The following ARL6 variants were observed in gnomAD, a reference collection of about 807,000 sequenced individuals.
The protein encoded by ARL6 is ARF like GTPase 6, also known as ADP-ribosylation factor-like protein 6.
A neutral mutation model predicts 27.1 loss-of-function variants in ARL6; 18 were observed. The ratio of observed to expected loss-of-function variants is 0.66; its 90% CI spans 0.46 to 0.98. The LOEUF (loss-of-function observed/expected upper bound fraction) is 0.98, where lower values mean the gene tolerates loss of function less well. Among genes scored for constraint, ARL6 ranks in the 50% least tolerant of loss-of-function variants. The pLI is 0.00. For missense variants in ARL6, 187 were observed against 214.9 expected (o/e 0.87, Z 0.81); for synonymous variants, 65 against 72.3 (o/e 0.90, Z 0.51).
intron 7 of ARL6, among the ~76,000 whole-genome samples, chr3:97,796,693 T>A (rs1475163188): frequency 6.6e-6 from 1 of 151,994 alleles, no homozygotes; most frequent in Non-Finnish European, 1.5e-5. Context: ...AGTGGAAGAT[T>A]CTGCAAGCTT....
chr3:97,785,813 C>T (rs1254192645), intron 5 of ARL6, among the ~76,000 whole-genome samples: 2 of 152,110 alleles, frequency 1.3e-5, no homozygotes, highest in African/African-American at 2.4e-5. Context: ...CATTTCTAGC[C>T]TTCCTCATGC....
At chr3:97,795,416 C>G (rs1010716877) in intron 7 of ARL6, among the ~76,000 whole-genome samples, 2 of 152,108 alleles carry the variant, frequency 1.3e-5, no homozygotes, top group African/African-American at 2.4e-5. Flanking sequence ...ATTAGACTTA[C>G]AAACTATGCA....
At chr3:97,765,443 C>T (rs1022154846) in intron 1 of ARL6, among the ~76,000 whole-genome samples, 7 of 152,128 alleles carry the variant, frequency 4.6e-5, no homozygotes, top group Admixed American at 2.6e-4. Flanking sequence ...TGGATAACAT[C>T]CTAATTCTTC....
intron 7 of ARL6, among the ~76,000 whole-genome samples, chr3:97,797,182 T>C (rs2038043795): frequency 6.6e-6 from 1 of 152,108 alleles, no homozygotes; most frequent in Non-Finnish European, 1.5e-5. Flanking sequence ...TTCTAGAGTT[T>C]TTTATAAGAC....
At position 97,788,085 on chromosome 3, in the gene ARL6, T is replaced by G; in HGVS notation, c.445T>G (p.Leu149Val). Reference protein sequence around the residue: ...TSVKVSQLLCLENIKDKPWHI... With the variant: ...TSVKVSQLLCVENIKDKPWHI... ...TGTAAAAGTGTCTCAGTTGCTGTGTTTAGAGAACATCAAAGATAAACCCTG... is the reference window on the plus strand; with the variant it reads ...TGTAAAAGTGTCTCAGTTGCTGTGTGTAGAGAACATCAAAGATAAACCCTG... Residue 149 changes from leucine to valine, a missense_variant, in exon 6 of 8, where the codon TTA becomes GTA. By Grantham distance (32) the Leu-to-Val change is conservative (BLOSUM62 1). Coordinates refer to ENST00000463745, the MANE Select transcript of ARL6 (RefSeq NM_001278293.3). 2 of 1,613,360 alleles carry G rather than the reference T, an allele frequency of 1.2e-6. No homozygotes were observed. Among genetic ancestry groups the G allele is most frequent in the Non-Finnish European group, 1.7e-6 (2 of 1,179,616 alleles).
chr3:97,795,908 A>G (rs754467438), intron 7 of ARL6, among the ~76,000 whole-genome samples: 4 of 152,212 alleles, frequency 2.6e-5, no homozygotes, highest in Non-Finnish European at 5.9e-5. Flanking sequence ...ACTCTCTTCT[A>G]CTGCTCCTAT....
chr3:97,784,967 T>A lies in ARL6; in HGVS notation c.267T>A (p.Ala89=), dbSNP rs1450027825. 6.8e-6 allele frequency: 11 copies of A among 1,611,888 alleles called. No homozygotes were observed. The highest frequency in any genetic ancestry group is 1.3e-5 in the African/African-American group (1 of 74,862). ...TTACATTACACAGAGAAGGCCAAGC[T>A]ATTATTTTTGTCATTGATAGTAGTG... The part of the protein sequence containing the change: ...LWEHYYKEGQ[A]IIFVIDSSDR... Residue 89 remains alanine (A), a synonymous_variant, in exon 5 of 8, where the codon GCT becomes GCA. Coordinates refer to ENST00000463745, the MANE Select transcript of ARL6 (RefSeq NM_001278293.3).
At chr3:97,789,572 T>C (rs2037625558) in intron 6 of ARL6, among the ~76,000 whole-genome samples, 1 of 152,156 alleles carries the variant, frequency 6.6e-6, no homozygotes, top group Non-Finnish European at 1.5e-5. Context: ...CTGATGCTTA[T>C]AAGGATGTAG....
In ARL6 at chr3:97,800,585, GAA is replaced by G. The variant is rs1553697587; in HGVS notation, c.*2540_*2541del. The G allele has an allele frequency of 6.6e-6, 1 of 152,088 alleles. No homozygotes were observed. The highest frequency in any genetic ancestry group is 1.5e-5 in the Non-Finnish European group (1 of 68,002). The allele number at this position is 152,088 out of a possible 1,614,324, so 9.4% of individuals were successfully genotyped here. A position where few individuals can be genotyped will look rare whatever the true frequency, so the allele number is the denominator to read the frequency against. ...TGTTTTTTATTTCTAAGCTCTCTGC[GAA>G]AAAGTTACAAATTGTCTCCTTAAGA... On this transcript the variant is annotated 3_prime_UTR_variant, in exon 8 of 8. Transcript: ENST00000463745.
chr3:97,782,161 T>C (rs1209090925), intron 4 of ARL6, among the ~76,000 whole-genome samples: 1 of 152,024 alleles, frequency 6.6e-6, no homozygotes, highest in Non-Finnish European at 1.5e-5. Flanking sequence ...TATGTGTTTC[T>C]TATTTGTTTG....
At chr3:97,793,167 T>C (rs964349048) in intron 7 of ARL6, among the ~76,000 whole-genome samples, 1 of 152,192 alleles carries the variant, frequency 6.6e-6, no homozygotes, top group Non-Finnish European at 1.5e-5. Context: ...TGTACTTCTG[T>C]GTCTTTTATG....
Position 97,798,162 on chromosome 3 carries a change from G to A in ARL6, c.*113G>A. 3.6e-6 allele frequency: 4 copies of A among 1,125,436 alleles called. No homozygotes were observed. Among genetic ancestry groups the A allele is most frequent in the Non-Finnish European group, 5.4e-6 (4 of 746,614 alleles). 69.7% of individuals were successfully genotyped at this position (1,125,436 alleles called of 1,614,324 possible). A position where few individuals can be genotyped will look rare whatever the true frequency, so the allele number is the denominator to read the frequency against. Reference sequence around the variant, plus strand: ...CATCAAAAAATATAATTTTCTGCTTGCATTTATGGACTCTGACCTTTTTAA... The same window carrying A: ...CATCAAAAAATATAATTTTCTGCTTACATTTATGGACTCTGACCTTTTTAA... On this transcript the variant is annotated 3_prime_UTR_variant, in exon 8 of 8. Coordinates refer to ENST00000463745, the MANE Select transcript of ARL6 (RefSeq NM_001278293.3).
At chr3:97,779,303 C>G (rs2037063469) in intron 2 of ARL6, among the ~76,000 whole-genome samples, 1 of 152,112 alleles carries the variant, frequency 6.6e-6, no homozygotes, top group African/African-American at 2.4e-5. Flanking sequence ...TGTTCTTTGT[C>G]AATAACTTGT....
chr3:97,783,212 G>A (rs911262128), intron 4 of ARL6, among the ~76,000 whole-genome samples: 1 of 151,408 alleles, frequency 6.6e-6, no homozygotes, highest in Non-Finnish European at 1.5e-5. Context: ...ATTCACCATT[G>A]TCAATCTTTT....
At chr3:97,789,006 C>T (rs1209057959) in intron 6 of ARL6, among the ~76,000 whole-genome samples, 1 of 152,126 alleles carries the variant, frequency 6.6e-6, no homozygotes, top group African/African-American at 2.4e-5. Flanking sequence ...GAGAGATCCA[C>T]TGCCACAAGA....
intron 7 of ARL6, 103 bp downstream of exon 7, chr3:97,791,929 C>T: frequency 9.6e-7 from 1 of 1,047,078 alleles, no homozygotes; most frequent in Non-Finnish European, 1.4e-6. Context: ...CTTTTTTCCT[C>T]TTTCCATTTA....
At chr3:97,780,248 A>T (rs761742121) in intron 3 of ARL6, 28 bp downstream of exon 3, 2 of 1,569,832 alleles carry the variant, frequency 1.3e-6, no homozygotes, top group Non-Finnish European at 1.7e-6. Context: ...TTAACAAAAA[A>T]GTTGCTAGTG....
At position 97,782,522 on chromosome 3, in the gene ARL6, T is replaced by C. The variant is rs202004852; in HGVS notation, c.254+1839T>C. On this transcript the variant is annotated intron_variant, in intron 4 of 7. Coordinates refer to ENST00000463745, the MANE Select transcript of ARL6 (RefSeq NM_001278293.3). ...AACTGTGAAACAAAACAAGTACATT[T>C]TGATCTATTAGACTGAAAAAGGTTA... Among the ~76,000 whole-genome samples the C allele has an allele frequency of 2.2e-4, 34 of 152,002 alleles. No individual in the cohort carries two copies. In the East Asian group the frequency reaches 5.8e-3, roughly 26 times the overall value.
At chr3:97,787,094 C>T (rs868386845) in intron 5 of ARL6, among the ~76,000 whole-genome samples, 2 of 152,072 alleles carry the variant, frequency 1.3e-5, no homozygotes, top group South Asian at 2.1e-4. Context: ...TACAAAATTA[C>T]CTATATACAC....
Sources: allele counts gnomAD v4.1 joint callset (sites outside exome capture counted in the v4.1 genomes callset), GRCh38; gene constraint gnomAD v4.1.1; transcripts MANE v1.5; gene names NCBI Gene and HGNC (gene_info 2026-07-23, HGNC 2026-07-21).